The following GMEB2 variants were observed in gnomAD, a reference collection of about 807,000 sequenced individuals.
The protein encoded by GMEB2 is glucocorticoid modulatory element-binding protein 2.
A neutral mutation model predicts 45.7 loss-of-function variants in GMEB2; 7 were observed. The observed-to-expected ratio is 0.15, with a 90% CI of 0.09 to 0.29. The LOEUF is 0.29. GMEB2 is among the 10% of genes least tolerant of loss of function. The pLI is 1.00. For synonymous variants in GMEB2, 322 were observed against 323.6 expected, an observed-to-expected ratio of 1.00 and a Z score of 0.05; for missense variants, 582 against 739.2, an observed-to-expected ratio of 0.79 and a Z score of 2.47.
chr20:63,610,244 G>A (rs911780568), intron 2 of GMEB2, among the ~76,000 whole-genome samples: 8 of 152,170 alleles, frequency 5.3e-5, no homozygotes, highest in South Asian at 2.1e-4. Flanking sequence ...CACACCAGCC[G>A]GGCACGGTGG....
rs1244472339 is a variant in GMEB2 at position 63,602,974 on chromosome 20, T to A, written c.348A>T (p.Lys116Asn). 2.5e-6 allele frequency: 4 copies of A among 1,614,066 alleles called. No homozygotes were observed. The highest frequency in any genetic ancestry group is 3.4e-6 in the Non-Finnish European group (4 of 1,179,962). ...TGCAGCCTGTGCTCACCTGAACACA[T>A]TTCACATTGATGCCGGGACACACAA... ...RKFVCPGINV[K>N]CVQYDEHVIS... is the part of the protein sequence containing the mutation. Residue 116 changes from lysine to asparagine, a missense_variant, in exon 4 of 10, where the codon AAA becomes AAT. By Grantham distance (94) the Lys-to-Asn change is moderately conservative. Coordinates refer to ENST00000370077, the MANE Select transcript of GMEB2 (RefSeq NM_012384.5).
chr20:63,604,053 C>CA (rs34930799), intron 3 of GMEB2, among the ~76,000 whole-genome samples: 2,206 of 69,536 alleles, frequency 0.032, 61 homozygotes, highest in African/African-American at 0.11. Context: ...GACTCCGTCT[C>CA]AAAAAAAAAA....
chr20:63,609,991 G>A (rs2089556944), intron 2 of GMEB2, among the ~76,000 whole-genome samples: 1 of 151,856 alleles, frequency 6.6e-6, no homozygotes, highest in Non-Finnish European at 1.5e-5. Flanking sequence ...ATGCCCCTCT[G>A]ACTCCACCTC....
At chr20:63,621,625 C>G (rs1360559637) in intron 1 of GMEB2, among the ~76,000 whole-genome samples, 1 of 138,734 alleles carries the variant, frequency 7.2e-6, no homozygotes, top group African/African-American at 2.8e-5. Flanking sequence ...CGAGATCGTG[C>G]CACTGCACTC....
intron 1 of GMEB2, among the ~76,000 whole-genome samples, chr20:63,620,342 T>A (rs930632907): frequency 6.6e-6 from 1 of 152,216 alleles, no homozygotes; most frequent in South Asian, 2.1e-4. Context: ...ACTAAAGGAA[T>A]GGTGGCCCAA....
At chr20:63,618,196 A>G (rs2089622704) in intron 2 of GMEB2, among the ~76,000 whole-genome samples, 1 of 152,206 alleles carries the variant, frequency 6.6e-6, no homozygotes, top group East Asian at 1.9e-4. Flanking sequence ...CAAAGGAAAA[A>G]GGAGAATGGA....
Position 63,588,190 on chromosome 20 carries a change from CA to C in GMEB2, c.*1898del, listed in dbSNP as rs2083110559. 1 of 152,440 alleles carries C rather than the reference CA, an allele frequency of 6.6e-6. No individual in the cohort carries two copies. The highest frequency in any genetic ancestry group is 2.1e-4 in the South Asian group (1 of 4,828). 9.4% of individuals were successfully genotyped at this position (152,440 alleles called of 1,614,324 possible). On this transcript the variant is annotated 3_prime_UTR_variant, in exon 10 of 10. Coordinates refer to ENST00000370077, the MANE Select transcript of GMEB2 (RefSeq NM_012384.5). Reference sequence around the variant, plus strand: ...TCCCTATGCCTCAGTAGCTAAGGGGCAGGGGCAGAAAAGGTCCCAACCCTGT... The same window carrying C: ...TCCCTATGCCTCAGTAGCTAAGGGGCGGGGCAGAAAAGGTCCCAACCCTGT...
At chr20:63,599,309 C>T (rs539020149) in intron 4 of GMEB2, among the ~76,000 whole-genome samples, 4 of 152,374 alleles carry the variant, frequency 2.6e-5, no homozygotes, top group African/African-American at 7.2e-5. Flanking sequence ...GCGTCTCTCT[C>T]GATGCTGAAT....
chr20:63,596,132 C>T (rs1324430402), intron 5 of GMEB2, among the ~76,000 whole-genome samples: 3 of 152,230 alleles, frequency 2.0e-5, no homozygotes. Context: ...CCCAGTCCAC[C>T]TGCATCATGC....
At chr20:63,621,202 C>A (rs114979407) in intron 1 of GMEB2, among the ~76,000 whole-genome samples, 1 of 151,402 alleles carries the variant, frequency 6.6e-6, no homozygotes, top group African/African-American at 2.4e-5. Context: ...TCTCAAAAAA[C>A]GAAAAAGAAA....
intron 9 of GMEB2, among the ~76,000 whole-genome samples, chr20:63,591,424 G>C (rs977334691): frequency 6.6e-6 from 1 of 152,108 alleles, no homozygotes; most frequent in Non-Finnish European, 1.5e-5. Flanking sequence ...CAATATCAGG[G>C]GCTTGAGCTC....
At chr20:63,617,708 G>A (rs1343251457) in intron 2 of GMEB2, among the ~76,000 whole-genome samples, 3 of 152,094 alleles carry the variant, frequency 2.0e-5, no homozygotes, top group East Asian at 3.9e-4. Flanking sequence ...CCCGGCAGCC[G>A]CGGCCACGGT....
At chr20:63,618,905 C>T (rs560948136) in intron 2 of GMEB2, among the ~76,000 whole-genome samples, 11 of 152,242 alleles carry the variant, frequency 7.2e-5, no homozygotes, top group South Asian at 6.2e-4. Context: ...GAAGAAAACA[C>T]TCACAGTTTC....
chr20:63,589,849 A>G lies in GMEB2; in HGVS notation c.*240T>C. The G allele has an allele frequency of 2.4e-6, 1 of 423,136 alleles. No homozygotes were observed. The highest frequency in any genetic ancestry group is 4.2e-6 in the Non-Finnish European group (1 of 239,510). The allele number at this position is 423,136 out of a possible 1,614,324, so 26.2% of individuals were successfully genotyped here. ...ATTAATAAGCAACAGATGGAAAAAT[A>G]TATTTCCCAAGAAAAAAGGGGGAGG... On this transcript the variant is annotated 3_prime_UTR_variant, in exon 10 of 10. Transcript: ENST00000370077.
Position 63,593,936 on chromosome 20 carries a change from C to A in GMEB2, c.620-854G>T, listed in dbSNP as rs182552209. On this transcript the variant is annotated intron_variant, in intron 6 of 9. Transcript: ENST00000370077. The surrounding 1 kb of genome is among the most constrained non-coding windows in gnomAD (Gnocchi z 4.7). ...TCGGGAGGCTGAGGCAGGAGAATCG[C>A]TAGAACCCGGAAGGCAGAGGTTGCA... Among the ~76,000 whole-genome samples the A allele has an allele frequency of 3.3e-3, 510 of 152,366 alleles. 3 individuals are homozygous for A. The highest frequency in any genetic ancestry group is 5.9e-3 in the Non-Finnish European group (401 of 68,038).
At chr20:63,621,638 G>T (rs1457297777) in intron 1 of GMEB2, among the ~76,000 whole-genome samples, 1 of 118,244 alleles carries the variant, frequency 8.5e-6, no homozygotes, top group East Asian at 2.4e-4. Flanking sequence ...CTGCACTCCA[G>T]CCTGGGCAAC....
At chr20:63,626,120 C>T (rs2089669674) in intron 1 of GMEB2, among the ~76,000 whole-genome samples, 1 of 152,170 alleles carries the variant, frequency 6.6e-6, no homozygotes, top group South Asian at 2.1e-4. Context: ...GGGTCCACAC[C>T]ACCATGGGTC....
chr20:63,604,333 G>A (rs533925695), intron 3 of GMEB2, among the ~76,000 whole-genome samples: 19 of 150,170 alleles, frequency 1.3e-4, no homozygotes, highest in Admixed American at 2.6e-4. Flanking sequence ...AACGGTGATC[G>A]TGCCACTGCA....
intron 2 of GMEB2, among the ~76,000 whole-genome samples, chr20:63,613,977 A>G (rs2089589097): frequency 6.6e-6 from 1 of 152,066 alleles, no homozygotes; most frequent in East Asian, 1.9e-4. Context: ...AAGAGTGCAG[A>G]GCAGGGCAGG....
Sources: allele counts gnomAD v4.1 joint callset (sites outside exome capture counted in the v4.1 genomes callset), GRCh38; gene constraint gnomAD v4.1.1; non-coding constraint Gnocchi (gnomAD v3.1); transcripts MANE v1.5; gene names NCBI Gene and HGNC (gene_info 2026-07-23, HGNC 2026-07-21).